The following FHIT variants were observed in gnomAD, a reference collection of about 807,000 sequenced individuals.
The protein encoded by FHIT is fragile histidine triad diadenosine triphosphatase.
FHIT carries 19 observed loss-of-function variants against 17.9 expected under a neutral mutation model. The ratio of observed to expected loss-of-function variants is 1.06; its 90% CI spans 0.74 to 1.56. The LOEUF (loss-of-function observed/expected upper bound fraction) is 1.56. Ranked by LOEUF, FHIT falls within the 40% of genes most tolerant of loss-of-function variation. FHIT has a pLI of 0.00. For synonymous variants in FHIT, 81 were observed against 69.7 expected (o/e 1.16, Z -0.81); for missense variants, 248 against 189.2 (o/e 1.31, Z -1.82).
At chr3:60,739,471 G>C (rs1295387197) in intron 4 of FHIT, among the ~76,000 whole-genome samples, 2 of 152,186 alleles carry the variant, frequency 1.3e-5, no homozygotes, top group East Asian at 3.9e-4. Flanking sequence ...TTGAGTTCAT[G>C]GTGGTTGAAC....
At chr3:59,941,168 T>C (rs1175769424) in intron 7 of FHIT, among the ~76,000 whole-genome samples, 4 of 152,166 alleles carry the variant, frequency 2.6e-5, no homozygotes, top group Admixed American at 1.3e-4. Flanking sequence ...TTCTTCAAAG[T>C]AATAACAGAA....
chr3:61,152,727 G>A (rs765942389), intron 2 of FHIT, among the ~76,000 whole-genome samples: 21 of 152,262 alleles, frequency 1.4e-4, no homozygotes, highest in Non-Finnish European at 2.4e-4. Context: ...TCAAACAGAG[G>A]AATGAGAAGA....
At chr3:60,331,954 A>G (rs770398268) in intron 5 of FHIT, among the ~76,000 whole-genome samples, 11 of 152,028 alleles carry the variant, frequency 7.2e-5, no homozygotes, top group Non-Finnish European at 1.6e-4. Flanking sequence ...TTAAGGTACA[A>G]TTGTCCTGAA....
intron 2 of FHIT, among the ~76,000 whole-genome samples, chr3:61,176,274 G>A (rs2038154057): frequency 6.6e-6 from 1 of 152,184 alleles, no homozygotes; most frequent in Non-Finnish European, 1.5e-5. Context: ...ATGCCCCACT[G>A]ATAGTAGAAA....
chr3:60,513,773 A>C (rs1038684718), intron 5 of FHIT, among the ~76,000 whole-genome samples: 2 of 152,136 alleles, frequency 1.3e-5, no homozygotes, highest in African/African-American at 4.8e-5. Flanking sequence ...ATGGCCTTAA[A>C]TGAGAATAGG....
chr3:60,892,371 A>T (rs536246721), intron 3 of FHIT, among the ~76,000 whole-genome samples: 16 of 152,202 alleles, frequency 1.1e-4, no homozygotes, highest in African/African-American at 3.9e-4. Context: ...TTTCTCACTG[A>T]CACCCACCAA....
chr3:61,171,395 A>G (rs576738104), intron 2 of FHIT, among the ~76,000 whole-genome samples: 3 of 152,278 alleles, frequency 2.0e-5, no homozygotes, highest in South Asian at 4.1e-4. Flanking sequence ...TCCATTCTAT[A>G]GGTTGTCTGT....
chr3:60,840,130 A>G (rs1276240644), intron 3 of FHIT, among the ~76,000 whole-genome samples: 3 of 152,162 alleles, frequency 2.0e-5, no homozygotes, highest in African/African-American at 7.2e-5. Flanking sequence ...TTAAAAACAG[A>G]AAAACAAGCA....
At chr3:60,614,817 T>G (rs1373299978) in intron 4 of FHIT, among the ~76,000 whole-genome samples, 4 of 82,156 alleles carry the variant, frequency 4.9e-5, no homozygotes, top group South Asian at 3.3e-4. Flanking sequence ...TTGTTTTTTT[T>G]TTGTTTTTTT....
chr3:61,102,534 T>G (rs920620448), intron 2 of FHIT, among the ~76,000 whole-genome samples: 18 of 152,186 alleles, frequency 1.2e-4, no homozygotes, highest in Admixed American at 5.2e-4. Context: ...TTGTGTCTCT[T>G]CCAGGCTTTG....
chr3:59,979,548 C>T (rs3772484), intron 7 of FHIT, among the ~76,000 whole-genome samples: 65,434 of 151,722 alleles, frequency 0.43, 15,071 homozygotes, highest in Middle Eastern at 0.55. Flanking sequence ...ATTTTTTTTC[C>T]TATGGATCCC....
At chr3:61,094,758 C>G (rs888303035) in intron 2 of FHIT, among the ~76,000 whole-genome samples, 1 of 152,116 alleles carries the variant, frequency 6.6e-6, no homozygotes, top group Non-Finnish European at 1.5e-5. Context: ...GACAGTTGAT[C>G]TGATAACTGA....
At chr3:60,865,312 C>T (rs2594121) in intron 3 of FHIT, among the ~76,000 whole-genome samples, 79 of 152,196 alleles carry the variant, frequency 5.2e-4, no homozygotes, top group African/African-American at 1.8e-3. Flanking sequence ...AATTTATTTT[C>T]TCAGTCCCAT....
chr3:59,770,940 A>G (rs866202349), intron 8 of FHIT, among the ~76,000 whole-genome samples: 1 of 152,242 alleles, frequency 6.6e-6, no homozygotes, highest in Non-Finnish European at 1.5e-5. Flanking sequence ...ATGAAGCACT[A>G]TGAACACTGT....
intron 5 of FHIT, among the ~76,000 whole-genome samples, chr3:60,200,699 T>C (rs2107492346): frequency 6.6e-6 from 1 of 152,072 alleles, no homozygotes; most frequent in African/African-American, 2.4e-5. Flanking sequence ...TCATTGAACT[T>C]TTAATTAGGT....
chr3:60,560,725 T>G (rs996164075), intron 4 of FHIT, among the ~76,000 whole-genome samples: 1 of 151,604 alleles, frequency 6.6e-6, no homozygotes, highest in African/African-American at 2.4e-5. Flanking sequence ...GAGCCGGTCC[T>G]TTACTTTTAG....
In FHIT at chr3:60,737,728, G is replaced by C. The variant is rs552236407; in HGVS notation, c.-18+84191C>G. ...CATATCTCTGTGAAACCTTAAATGT[G>C]GGGGAGAAAAGTGAGCTGGCAAAAA... On this transcript the variant is annotated intron_variant, in intron 4 of 9. Coordinates refer to ENST00000492590, the MANE Select transcript of FHIT (RefSeq NM_002012.4). Among the ~76,000 whole-genome samples the C allele has an allele frequency of 1.8e-4, 28 of 152,272 alleles. No homozygotes were observed. The East Asian group carries it at 2.5e-3, about 14-fold the overall frequency.
At chr3:60,133,354 C>T (rs2361339) in intron 5 of FHIT, among the ~76,000 whole-genome samples, 20,732 of 152,120 alleles carry the variant, frequency 0.14, 2,130 homozygotes, top group African/African-American at 0.29. Context: ...AATTTCATTT[C>T]AATCCTTTGG....
intron 3 of FHIT, among the ~76,000 whole-genome samples, chr3:60,993,244 A>T (rs2030400477): frequency 6.6e-6 from 1 of 152,266 alleles, no homozygotes; most frequent in Non-Finnish European, 1.5e-5. Context: ...TTCACAAAGT[A>T]ATAACAGGCC....
Sources: allele counts gnomAD v4.1 joint callset (sites outside exome capture counted in the v4.1 genomes callset), GRCh38; gene constraint gnomAD v4.1.1; transcripts MANE v1.5; gene names NCBI Gene and HGNC (gene_info 2026-07-23, HGNC 2026-07-21).